Variants in PPP1R12B observed in about 807,000 individuals in gnomAD.
PPP1R12B encodes protein phosphatase 1 regulatory subunit 12B.
In PPP1R12B, 76 loss-of-function variants were observed where a neutral mutation model predicts 126.1. The observed-to-expected ratio is 0.60, with a 90% CI of 0.50 to 0.73. The LOEUF is 0.73. PPP1R12B is among the 30% of genes least tolerant of loss of function. The probability of loss-of-function intolerance (pLI) is 0.00; values close to 1 mark genes in which losing one functional copy is unlikely to be tolerated. For missense variants in PPP1R12B, 1,052 were observed against 1,205.1 expected (o/e 0.87, Z 1.88); for synonymous variants, 356 against 434.7 (o/e 0.82, Z 2.25).
chr1:202,476,550 G>T (rs1257274390), intron 13 of PPP1R12B, among the ~76,000 whole-genome samples: 1 of 151,940 alleles, frequency 6.6e-6, no homozygotes, highest in South Asian at 2.1e-4. Flanking sequence ...GGGCCTGGTG[G>T]CACATGCCTG....
chr1:202,468,804 A>C (rs1404618321), intron 13 of PPP1R12B, among the ~76,000 whole-genome samples: 1 of 152,166 alleles, frequency 6.6e-6, no homozygotes, highest in Non-Finnish European at 1.5e-5. Context: ...AATACAAAAA[A>C]TTAGCCAGGC....
Position 202,493,272 on chromosome 1 carries a change from A to T in PPP1R12B, c.2100A>T (p.Glu700Asp). 6.2e-7 allele frequency: 1 copy of T among 1,612,774 alleles called. No homozygotes were observed. The highest frequency in any genetic ancestry group is 8.5e-7 in the Non-Finnish European group (1 of 1,179,818). Residue 700 changes from glutamate to aspartate, a missense_variant, in exon 15 of 24, where the codon GAA becomes GAT. Transcript: ENST00000608999. ...KHEPSAVPAT[E>D]AGEGQQPWGR... ...AGCCCTCAGCAGTTCCAGCAACAGAAGCTGGGGAGGGCCAGCAGCCCTGGG... is the reference window on the plus strand; with the variant it reads ...AGCCCTCAGCAGTTCCAGCAACAGATGCTGGGGAGGGCCAGCAGCCCTGGG...
intron 18 of PPP1R12B, among the ~76,000 whole-genome samples, chr1:202,518,341 G>A (rs1682385426): frequency 6.6e-6 from 1 of 152,216 alleles, no homozygotes; most frequent in Non-Finnish European, 1.5e-5. Context: ...CTACTGTCCA[G>A]TATTCTGGCA....
At chr1:202,370,316 CAT>C (rs1344324790) in intron 1 of PPP1R12B, among the ~76,000 whole-genome samples, 1 of 152,056 alleles carries the variant, frequency 6.6e-6, no homozygotes, top group African/African-American at 2.4e-5. Context: ...TTCACGTATC[CAT>C]AGTTTATTGT....
chr1:202,377,481 TTG>T (rs1378788815), intron 1 of PPP1R12B, among the ~76,000 whole-genome samples: 1 of 151,504 alleles, frequency 6.6e-6, no homozygotes, highest in Non-Finnish European at 1.5e-5. Flanking sequence ...TTTTTGTATT[TTG>T]TTAGTAGAGA....
chr1:202,449,456 T>G (rs1279639956), intron 13 of PPP1R12B, among the ~76,000 whole-genome samples: 2 of 151,802 alleles, frequency 1.3e-5, no homozygotes, highest in East Asian at 1.9e-4. Context: ...TTTTGTATTT[T>G]TAGTAGAGAC....
chr1:202,364,418 G>A (rs1395266325), intron 1 of PPP1R12B, among the ~76,000 whole-genome samples: 1 of 151,940 alleles, frequency 6.6e-6, no homozygotes, highest in African/African-American at 2.4e-5. Flanking sequence ...ATCTCTATAT[G>A]TATCTACTAC....
intron 1 of PPP1R12B, among the ~76,000 whole-genome samples, chr1:202,379,049 G>A (rs372579490): frequency 6.6e-6 from 1 of 152,028 alleles, no homozygotes; most frequent in African/African-American, 2.4e-5. Flanking sequence ...ATGTACTAAT[G>A]ATGTCGAGAT....
chr1:202,355,649 G>C (rs1215284850), intron 1 of PPP1R12B, among the ~76,000 whole-genome samples: 1 of 152,116 alleles, frequency 6.6e-6, no homozygotes, highest in Non-Finnish European at 1.5e-5. Flanking sequence ...TTGTGGGTTT[G>C]AGCAGGGTCG....
At position 202,508,224 on chromosome 1, in the gene PPP1R12B, C is replaced by A. The variant is rs758130755; in HGVS notation, c.2490+11402C>A. Among the ~76,000 whole-genome samples the A allele has an allele frequency of 6.6e-6, 1 of 152,186 alleles. No homozygotes were observed. The highest frequency in any genetic ancestry group is 2.4e-5 in the African/African-American group (1 of 41,444). On this transcript the variant is annotated intron_variant, in intron 18 of 23. Transcript: ENST00000608999. The surrounding 1 kb of genome is among the most constrained non-coding windows in gnomAD (Gnocchi z 4.5). ...AGCCATTTAGTGACATGAATCTCTT[C>A]GTAGAGAAACCATAGTTTTGTAACC...
rs530925467 is a variant in PPP1R12B at position 202,582,127 on chromosome 1, T to C, written c.*1567T>C. The C allele has an allele frequency of 1.3e-5, 2 of 152,338 alleles. No homozygotes were observed. The highest frequency in any genetic ancestry group is 3.9e-4 in the East Asian group (2 of 5,178). 9.4% of individuals were successfully genotyped at this position (152,338 alleles called of 1,614,324 possible). ...GTCCAGATCTACTATCTGCAACTCTTTAACGGCACTTGAGATATGTGCAGT... is the reference window on the plus strand; with the variant it reads ...GTCCAGATCTACTATCTGCAACTCTCTAACGGCACTTGAGATATGTGCAGT... On this transcript the variant is annotated 3_prime_UTR_variant, in exon 24 of 24. Coordinates refer to ENST00000608999, the MANE Select transcript of PPP1R12B (RefSeq NM_002481.4).
intron 13 of PPP1R12B, among the ~76,000 whole-genome samples, chr1:202,449,983 G>T (rs767970421): frequency 6.6e-6 from 1 of 152,198 alleles, no homozygotes; most frequent in Non-Finnish European, 1.5e-5. Flanking sequence ...ACCGCTCCCG[G>T]CTGTCGTTAT....
intron 8 of PPP1R12B, among the ~76,000 whole-genome samples, chr1:202,434,285 A>G (rs1473551657): frequency 6.6e-6 from 1 of 152,228 alleles, no homozygotes; most frequent in Non-Finnish European, 1.5e-5. Flanking sequence ...GGGACTCCCC[A>G]GAGTAGTAGT....
chr1:202,494,801 G>A lies in PPP1R12B; in HGVS notation c.2146-492G>A, dbSNP rs1283775224. On this transcript the variant is annotated intron_variant, in intron 15 of 23. Transcript: ENST00000608999. ...ACTTTAGAAAGTTTCAGTAAGCCTG[G>A]TTATGGCAAGGTGGTAGAGTATTCA... is the stretch of plus-strand genomic sequence containing the variant. 2.0e-5 allele frequency among the ~76,000 whole-genome samples: 3 copies of A among 152,100 alleles called. No homozygotes were observed. The East Asian group carries it at 5.8e-4, about 29-fold the overall frequency.
chr1:202,446,236 C>CTCTATATATATA (rs1491246158), intron 12 of PPP1R12B, among the ~76,000 whole-genome samples: 15 of 88,030 alleles, frequency 1.7e-4, no homozygotes, highest in South Asian at 5.7e-4. Context: ...CTCTCTCTCT[C>CTCTATATATATA]TATATATATA....
chr1:202,378,479 CT>C (rs956432610), intron 1 of PPP1R12B, among the ~76,000 whole-genome samples: 1 of 151,864 alleles, frequency 6.6e-6, no homozygotes, highest in Admixed American at 6.6e-5. Flanking sequence ...CCTTCTAATT[CT>C]TTTTTTGTTG....
At chr1:202,355,616 A>T (rs921589584) in intron 1 of PPP1R12B, among the ~76,000 whole-genome samples, 3 of 152,170 alleles carry the variant, frequency 2.0e-5, no homozygotes, top group African/African-American at 7.2e-5. Flanking sequence ...AGGTGGCTTG[A>T]TGGACTCCTT....
intron 1 of PPP1R12B, among the ~76,000 whole-genome samples, chr1:202,400,925 C>A (rs1217367396): frequency 2.0e-5 from 3 of 152,222 alleles, no homozygotes; most frequent in Non-Finnish European, 2.9e-5. Flanking sequence ...TGGGCCAAAT[C>A]CAGCCCACTG....
chr1:202,555,489 G>A (rs1178768180), intron 18 of PPP1R12B, among the ~76,000 whole-genome samples: 10 of 146,938 alleles, frequency 6.8e-5, no homozygotes. Flanking sequence ...AAAAATTCAA[G>A]TGAGGTTTCA....
Sources: allele counts gnomAD v4.1 joint callset (sites outside exome capture counted in the v4.1 genomes callset), GRCh38; gene constraint gnomAD v4.1.1; non-coding constraint Gnocchi (gnomAD v3.1); transcripts MANE v1.5; gene names NCBI Gene and HGNC (gene_info 2026-07-23, HGNC 2026-07-21).